The following TLE6 variants were observed in gnomAD, a reference collection of about 807,000 sequenced individuals.
The protein encoded by TLE6 is transducin-like enhancer protein 6.
In TLE6, 72 loss-of-function variants were observed where a neutral mutation model predicts 77.1. That is an observed-to-expected ratio of 0.93 (90% CI 0.77 to 1.14). TLE6 has a LOEUF of 1.14. Ranked by LOEUF, TLE6 falls within the 50% of genes most tolerant of loss-of-function variation. The pLI, the probability that TLE6 is intolerant of heterozygous loss-of-function variation, is 0.00. For synonymous variants in TLE6, 366 were observed against 287.3 expected, an observed-to-expected ratio of 1.27 and a Z score of -2.77; for missense variants, 843 against 747.6, an observed-to-expected ratio of 1.13 and a Z score of -1.49.
chr19:2,987,574 A>T, intron 8 of TLE6, 150 bp from the exon 9 acceptor site: 1 of 1,108,014 alleles, frequency 9.0e-7, no homozygotes, highest in Non-Finnish European at 1.3e-6. Flanking sequence ...CCAGGACCCT[A>T]TACCCTGACT....
rs191687110 is a variant in TLE6, at chr19:2,978,889, T to C, written c.51+605T>C. Among the ~76,000 whole-genome samples, 507 of 152,306 alleles carry C rather than the reference T, an allele frequency of 3.3e-3. 2 individuals are homozygous for C. Among genetic ancestry groups the C allele is most frequent in the Non-Finnish European group, 5.0e-3 (341 of 68,030 alleles). ...GATGACCATTTGTAAATTTAGGCTC[T>C]CAGGGCTGAGCAGACGTTTTTTTTT... On this transcript the variant is annotated intron_variant, in intron 2 of 16. Coordinates refer to ENST00000246112, the MANE Select transcript of TLE6 (RefSeq NM_001143986.2).
Position 2,988,800 on chromosome 19 carries a change from C to T in TLE6, c.741-261C>T, listed in dbSNP as rs1285667691. On this transcript the variant is annotated intron_variant, in intron 11 of 16. Transcript: ENST00000246112. ...TGGGGAAGGAGCATAATAGCTAGGACCATAAAGGATGAATAGGAGTTCTTC... is the reference window on the plus strand; with the variant it reads ...TGGGGAAGGAGCATAATAGCTAGGATCATAAAGGATGAATAGGAGTTCTTC... The T allele has an allele frequency of 5.5e-6, 3 of 549,802 alleles. No individual in the cohort carries two copies. In the African/African-American group the frequency reaches 5.7e-5, roughly 10 times the overall value. 34.1% of individuals were successfully genotyped at this position (549,802 alleles called of 1,614,324 possible). A position where few individuals can be genotyped will look rare whatever the true frequency, so the allele number is the denominator to read the frequency against.
chr19:2,989,601 T>C lies in TLE6; in HGVS notation c.1060T>C (p.Tyr354His). ...SNSRSLLTGG[Y>H]NLASVSVWDL... ...CAGCAGGAGCCTGCTCACCGGTGGC[T>C]ACAACCTGGCCAGCGTGAGCGTGTG... is the stretch of plus-strand genomic sequence containing the variant. The change falls in exon 13 of 17, where the codon TAC becomes CAC. Residue 354 changes from tyrosine to histidine, a missense_variant. Tyr to His is a moderately conservative substitution (Grantham distance 83, BLOSUM62 2). Coordinates refer to ENST00000246112, the MANE Select transcript of TLE6 (RefSeq NM_001143986.2). 1 of 1,614,018 alleles carries C rather than the reference T, an allele frequency of 6.2e-7. No individual in the cohort carries two copies. The highest frequency in any genetic ancestry group is 8.5e-7 in the Non-Finnish European group (1 of 1,179,994).
At chr19:2,990,000 G>C (rs982810238) in intron 13 of TLE6, among the ~76,000 whole-genome samples, 1 of 152,148 alleles carries the variant, frequency 6.6e-6, no homozygotes, top group Admixed American at 6.6e-5. Flanking sequence ...GTTCCTTGCA[G>C]CCCAGGGCAT....
At chr19:2,981,913 G>T (rs1019107825) in intron 4 of TLE6, among the ~76,000 whole-genome samples, 2 of 151,810 alleles carry the variant, frequency 1.3e-5, no homozygotes, top group African/African-American at 2.4e-5. Context: ...CAGAGGTTGC[G>T]GTGAACTGAG....
At chr19:2,992,030 C>T (rs201595320) in intron 14 of TLE6, 46 bp downstream of exon 14, 25 of 1,600,336 alleles carry the variant, frequency 1.6e-5, no homozygotes, top group Admixed American at 3.4e-5. Flanking sequence ...ATCCTCTGGT[C>T]CTCAGATTAA....
intron 9 of TLE6, 29 bp downstream of exon 9, chr19:2,987,819 C>T (rs367854340): frequency 6.0e-5 from 97 of 1,613,958 alleles, no homozygotes; most frequent in Non-Finnish European, 8.1e-5. Context: ...GGCCGACCGA[C>T]TCCAGGCGGG....
At chr19:2,987,500 G>A (rs1253945679) in intron 8 of TLE6, 128 bp downstream of exon 8, 35 of 1,379,078 alleles carry the variant, frequency 2.5e-5, no homozygotes, top group East Asian at 4.6e-5. Context: ...CGGGTCCCCC[G>A]GGGGGGACTT....
chr19:2,984,445 TAAGA>T (rs933988136), intron 5 of TLE6: 45 of 151,936 alleles, frequency 3.0e-4, no homozygotes, highest in Admixed American at 2.8e-3. Context: ...GAAAAAAACT[TAAGA>T]GATAGGATCA....
rs1305431343 is a variant in TLE6, at chr19:2,994,918, G to C, written c.1633G>C (p.Val545Leu). ...KVFEVPEMSP[V>L]TCCDVSSNNR... Reference sequence around the variant, plus strand: ...CCTCCAGGTGCCTGAGATGTCTCCAGTCACGTGCTGTGACGTCTCTTCCAA... The same window carrying C: ...CCTCCAGGTGCCTGAGATGTCTCCACTCACGTGCTGTGACGTCTCTTCCAA... The change falls in exon 17 of 17, where the codon GTC (valine) becomes CTC (leucine). Residue 545 changes from valine to leucine, a missense_variant. Coordinates refer to ENST00000246112, the MANE Select transcript of TLE6 (RefSeq NM_001143986.2). 1 of 1,602,010 alleles carries C rather than the reference G, an allele frequency of 6.2e-7. No individual in the cohort carries two copies. The highest frequency in any genetic ancestry group is 1.7e-5 in the Admixed American group (1 of 58,758).
rs1440852697 is a variant in TLE6 at position 2,993,413 on chromosome 19, C to T, written c.1387-19C>T. The T allele has an allele frequency of 1.9e-6, 3 of 1,586,116 alleles. No individual in the cohort carries two copies. The highest frequency in any genetic ancestry group is 2.6e-6 in the Non-Finnish European group (3 of 1,159,908). On this transcript the variant is annotated intron_variant, in intron 14 of 16. Transcript: ENST00000246112. ...TGGGACCTAACCAGGTTCCTCCCTC[C>T]CCACTGCCCATTACCTAGATAATGA...
chr19:2,982,750 G>GTC (rs2088825206), intron 5 of TLE6, among the ~76,000 whole-genome samples: 1 of 152,078 alleles, frequency 6.6e-6, no homozygotes, highest in South Asian at 2.1e-4. Context: ...AGCATCTCCT[G>GTC]TCCTGTCTCT....
chr19:2,977,886 G>A (rs1417110438), intron 1 of TLE6, among the ~76,000 whole-genome samples: 4 of 152,054 alleles, frequency 2.6e-5, no homozygotes, highest in Non-Finnish European at 5.9e-5. Flanking sequence ...GAGCTTTGGC[G>A]ACCTTCCCTG....
intron 11 of TLE6, among the ~76,000 whole-genome samples, chr19:2,988,372 A>G (rs1262307836): frequency 6.6e-6 from 1 of 152,074 alleles, no homozygotes; most frequent in Non-Finnish European, 1.5e-5. Flanking sequence ...CGAGGCGGGC[A>G]GATCACGAGG....
At chr19:2,988,513 G>T (rs2088967854) in intron 11 of TLE6, among the ~76,000 whole-genome samples, 1 of 152,136 alleles carries the variant, frequency 6.6e-6, no homozygotes, top group Non-Finnish European at 1.5e-5. Flanking sequence ...CAGGAGAATG[G>T]CGTGAACCCG....
intron 9 of TLE6, 36 bp from the exon 10 acceptor site, chr19:2,987,862 A>C: frequency 6.2e-7 from 1 of 1,613,366 alleles, no homozygotes; most frequent in Non-Finnish European, 8.5e-7. Flanking sequence ...TGAGGAGCCA[A>C]TGCAAGCCGC....
intron 5 of TLE6, among the ~76,000 whole-genome samples, chr19:2,985,777 C>G (rs1319598651): frequency 6.7e-6 from 1 of 149,518 alleles, no homozygotes; most frequent in Non-Finnish European, 1.5e-5. Context: ...TTAAAACATC[C>G]CAAAAAGAGT....
intron 13 of TLE6, 92 bp downstream of exon 13, chr19:2,989,877 C>T (rs1242403245): frequency 5.0e-5 from 76 of 1,528,170 alleles, no homozygotes; most frequent in Non-Finnish European, 8.9e-6. Context: ...TGCCCGCCTT[C>T]CTGCCACCTC....
At chr19:2,991,393 T>TACACACAC (rs1245083562) in intron 13 of TLE6, among the ~76,000 whole-genome samples, 2 of 110,058 alleles carry the variant, frequency 1.8e-5, no homozygotes, top group East Asian at 2.7e-4. Flanking sequence ...TATATATATA[T>TACACACAC]ATACACACAC....
Sources: gnomAD v4.1 joint callset for allele counts (sites outside exome capture counted in the v4.1 genomes callset) on GRCh38, gnomAD v4.1.1 for gene constraint, MANE v1.5 for transcripts, NCBI Gene and HGNC (gene_info 2026-07-23, HGNC 2026-07-21) for gene names.